UGT1A1: variants seen among roughly 807,000 people sequenced by gnomAD.
UGT1A1 encodes the protein UDP-glucuronosyltransferase 1A1.
UGT1A1 carries 33 observed loss-of-function variants against 40.6 expected under a neutral mutation model. That is an observed-to-expected ratio of 0.81 (90% confidence interval 0.62 to 1.09). The LOEUF is 1.09. UGT1A1 is among the 50% of genes least tolerant of loss of function. UGT1A1 has a pLI of 0.00. For synonymous variants in UGT1A1, 249 were observed against 265.0 expected (o/e 0.94, Z 0.59); for missense variants, 694 against 671.2 (o/e 1.03, Z -0.38).
At chr2:233,768,058 CTT>C in intron 3 of UGT1A1, 122 bp downstream of exon 3, 1 of 1,601,872 alleles carries the variant, frequency 6.2e-7, no homozygotes, top group East Asian at 2.2e-5. Context: ...TCCTACATTG[CTT>C]TTTATCTAGT....
intron 1 of UGT1A1, among the ~76,000 whole-genome samples, chr2:233,763,590 A>T (rs772976697): frequency 6.6e-6 from 1 of 152,156 alleles, no homozygotes; most frequent in East Asian, 1.9e-4. Context: ...TTCCTTTGTT[A>T]ACTAAAAATG....
Position 233,768,343 on chromosome 2 carries a change from G to T in UGT1A1, c.1208G>T (p.Arg403Leu), listed in dbSNP as rs140613392. 1.2e-6 allele frequency: 2 copies of T among 1,614,170 alleles called. No homozygotes were observed. The highest frequency in any genetic ancestry group is 1.7e-6 in the Non-Finnish European group (2 of 1,180,042). ...LFGDQMDNAK[R>L]METKGAGVTL... is the part of the protein sequence containing the mutation. ...GGTGATCAGATGGACAATGCAAAGC[G>T]CATGGAGACTAAGGGAGCTGGAGTG... The change falls in exon 4 of 5, where the codon CGC becomes CTC. Residue 403 changes from arginine to leucine, a missense_variant. Coordinates refer to ENST00000305208, the MANE Select transcript of UGT1A1 (RefSeq NM_000463.3).
chr2:233,760,609 C>T lies in UGT1A1; in HGVS notation c.322C>T (p.Arg108Cys), dbSNP rs587784538. 50 of 1,614,060 alleles carry T rather than the reference C, an allele frequency of 3.1e-5. 1 individual carries two copies. The South Asian group carries it at 3.7e-4, about 12-fold the overall frequency. Residue 108 changes from arginine (R) to cysteine (C), a missense_variant, in exon 1 of 5, where the codon CGT becomes TGT. Transcript: ENST00000305208. ...NVFENDSFLQ[R>C]VIKTYKKIKK... Reference sequence around the variant, plus strand: ...TTTTGAGAATGATTCTTTCCTGCAGCGTGTGATCAAAACATACAAGAAAAT... The same window carrying T: ...TTTTGAGAATGATTCTTTCCTGCAGTGTGTGATCAAAACATACAAGAAAAT...
At chr2:233,768,516 G>T in intron 4 of UGT1A1, 77 bp downstream of exon 4, 22 of 1,549,322 alleles carry the variant, frequency 1.4e-5, no homozygotes, top group Non-Finnish European at 1.9e-5. Context: ...AAACATTTAC[G>T]TAGCATTTAA....
chr2:233,762,139 G>C (rs983754711), intron 1 of UGT1A1, among the ~76,000 whole-genome samples: 1 of 152,114 alleles, frequency 6.6e-6, no homozygotes, highest in African/African-American at 2.4e-5. Context: ...GGACCTGTGT[G>C]ACTTTGCATT....
Position 233,773,095 on chromosome 2 carries a change from A to C in UGT1A1, c.*536A>C. On this transcript the variant is annotated 3_prime_UTR_variant, in exon 5 of 5. Coordinates refer to ENST00000305208, the MANE Select transcript of UGT1A1 (RefSeq NM_000463.3). ...ATGAATGGCTTGGAGTGCACTGAGA[A>C]CAGCATATGATTTCTTGCTTTGGGG... 6.3e-6 allele frequency: 1 copy of C among 159,994 alleles called. No individual in the cohort carries two copies. Among genetic ancestry groups the C allele is most frequent in the Non-Finnish European group, 1.4e-5 (1 of 71,916 alleles). The allele number at this position is 159,994 out of a possible 1,614,324, so 9.9% of individuals were successfully genotyped here. A position where few individuals can be genotyped will look rare whatever the true frequency, so the allele number is the denominator to read the frequency against.
intron 2 of UGT1A1, among the ~76,000 whole-genome samples, chr2:233,767,485 A>G (rs764164317): frequency 5.9e-4 from 90 of 152,344 alleles, no homozygotes; most frequent in Non-Finnish European, 1.1e-3. Flanking sequence ...AAATAGAAGT[A>G]TTTCTCCAAA....
At position 233,772,978 on chromosome 2, in the gene UGT1A1, T is replaced by C. The variant is rs34942353; in HGVS notation, c.*419T>C. On this transcript the variant is annotated 3_prime_UTR_variant, in exon 5 of 5. Coordinates refer to ENST00000305208, the MANE Select transcript of UGT1A1 (RefSeq NM_000463.3). ...GTTGCAATTGATCCTTAACCAATAATGGTCAGTCCTCATCTCTGTCGTGCT... is the reference window on the plus strand; with the variant it reads ...GTTGCAATTGATCCTTAACCAATAACGGTCAGTCCTCATCTCTGTCGTGCT... 9.7e-5 allele frequency: 29 copies of C among 299,424 alleles called. No homozygotes were observed. The East Asian group carries it at 2.0e-3, about 21-fold the overall frequency. 18.5% of individuals were successfully genotyped at this position (299,424 alleles called of 1,614,324 possible).
intron 1 of UGT1A1, among the ~76,000 whole-genome samples, chr2:233,766,262 CCCGGG>C (rs2126023646): frequency 2.9e-5 from 2 of 68,082 alleles, no homozygotes; most frequent in East Asian, 5.0e-4. Flanking sequence ...CGCTCAGTGG[CCCGGG>C]CTCGGTGGCC....
rs1321370763 is a variant in UGT1A1 at position 233,760,541 on chromosome 2, G to A, written c.254G>A (p.Arg85Lys). 6.2e-7 allele frequency: 1 copy of A among 1,614,268 alleles called. No homozygotes were observed. Among genetic ancestry groups the A allele is most frequent in the Non-Finnish European group, 8.5e-7 (1 of 1,180,050 alleles). Residue 85 changes from arginine to lysine, a missense_variant, in exon 1 of 5, where the codon AGG becomes AAG. By Grantham distance (26) the Arg-to-Lys change is conservative. Coordinates refer to ENST00000305208, the MANE Select transcript of UGT1A1 (RefSeq NM_000463.3). ...AAGACGTACCCTGTGCCATTCCAAA[G>A]GGAGGATGTGAAAGAGTCTTTTGTT... is the stretch of plus-strand genomic sequence containing the variant. ...TLKTYPVPFQREDVKESFVSL... is the reference protein window; with the variant it reads ...TLKTYPVPFQKEDVKESFVSL...
chr2:233,769,857 C>CAAAA lies in UGT1A1; in HGVS notation c.1304+1432_1304+1435dup. The CAAAA allele has an allele frequency of 4.0e-5, 9 of 223,646 alleles. No individual in the cohort carries two copies. The highest frequency in any genetic ancestry group is 1.1e-4 in the South Asian group (1 of 9,102). The allele number at this position is 223,646 out of a possible 1,614,324, so 13.9% of individuals were successfully genotyped here. On this transcript the variant is annotated intron_variant, in intron 4 of 4. Coordinates refer to ENST00000305208, the MANE Select transcript of UGT1A1 (RefSeq NM_000463.3). The surrounding 1 kb of genome is among the most constrained non-coding windows in gnomAD (Gnocchi z 4.4). ...TGGGCAACAGAGTGAGACCCTGTCTCAAAAAAAAAAAAAAAAATGAAAAGT... is the reference window on the plus strand; with the variant it reads ...TGGGCAACAGAGTGAGACCCTGTCTCAAAAAAAAAAAAAAAAAAAAATGAAAAGT...
chr2:233,765,728 A>C (rs1698929525), intron 1 of UGT1A1, among the ~76,000 whole-genome samples: 1 of 151,098 alleles, frequency 6.6e-6, no homozygotes, highest in Admixed American at 6.6e-5. Flanking sequence ...TAATAATAAT[A>C]ATAAATAAAC....
chr2:233,768,233 C>A lies in UGT1A1; in HGVS notation c.1098C>A (p.Thr366=), dbSNP rs1699591703. The change falls in exon 4 of 5, where the codon ACC becomes ACA. Residue 366 remains threonine, a synonymous_variant. Coordinates refer to ENST00000305208, the MANE Select transcript of UGT1A1 (RefSeq NM_000463.3). ...PQNDLLGHPM[T]RAFITHAGSH... ...TTTGCATCTCAGGTCACCCGATGAC[C>A]CGTGCCTTTATCACCCATGCTGGTT... 6.2e-7 allele frequency: 1 copy of A among 1,614,170 alleles called. No homozygotes were observed. The highest frequency in any genetic ancestry group is 8.5e-7 in the Non-Finnish European group (1 of 1,180,028).
chr2:233,769,515 T>A lies in UGT1A1; in HGVS notation c.1304+1076T>A. The A allele has an allele frequency of 6.2e-7, 1 of 1,612,854 alleles. No homozygotes were observed. Among genetic ancestry groups the A allele is most frequent in the Non-Finnish European group, 8.5e-7 (1 of 1,179,868 alleles). ...TGAGAGTGTCCATTGCTTTCTCCCA[T>A]GGTTACCTCCTTTAGAAAGAAGCAG... On this transcript the variant is annotated intron_variant, in intron 4 of 4. Coordinates refer to ENST00000305208, the MANE Select transcript of UGT1A1 (RefSeq NM_000463.3). This position sits in a 1 kb window ranked among gnomAD's most constrained non-coding sequence, Gnocchi z 4.4.
chr2:233,763,369 C>A (rs1698291426), intron 1 of UGT1A1, among the ~76,000 whole-genome samples: 1 of 152,194 alleles, frequency 6.6e-6, no homozygotes. Flanking sequence ...CCTTTGTCTT[C>A]AAGCTTTCTT....
chr2:233,766,972 C>T, intron 1 of UGT1A1, 62 bp from the exon 2 acceptor site: 2 of 1,611,258 alleles, frequency 1.2e-6, no homozygotes, highest in South Asian at 1.1e-5. Context: ...TCATAACTTA[C>T]TGTATGTAGT....
intron 4 of UGT1A1, chr2:233,771,347 C>T (rs1700292038): frequency 6.6e-6 from 1 of 152,046 alleles, no homozygotes; most frequent in South Asian, 2.1e-4. Context: ...CCTGTAGCAC[C>T]AAGGGTTGAA....
Position 233,772,833 on chromosome 2 carries a change from T to G in UGT1A1, c.*274T>G. 1.1e-6 allele frequency: 1 copy of G among 879,514 alleles called. No individual in the cohort carries two copies. Among genetic ancestry groups the G allele is most frequent in the Non-Finnish European group, 1.6e-6 (1 of 630,666 alleles). 54.5% of individuals were successfully genotyped at this position (879,514 alleles called of 1,614,324 possible). A position where few individuals can be genotyped will look rare whatever the true frequency, so the allele number is the denominator to read the frequency against. ...AGGACGTGCAGACAGGCTGGCATTCTAGATTACTTTTCTTACTCTGAAACA... is the reference window on the plus strand; with the variant it reads ...AGGACGTGCAGACAGGCTGGCATTCGAGATTACTTTTCTTACTCTGAAACA... On this transcript the variant is annotated 3_prime_UTR_variant, in exon 5 of 5. Transcript: ENST00000305208.
chr2:233,761,143 C>T lies in UGT1A1; in HGVS notation c.856C>T (p.Leu286=). The T allele has an allele frequency of 6.2e-7, 1 of 1,614,232 alleles. No homozygotes were observed. The highest frequency in any genetic ancestry group is 8.5e-7 in the Non-Finnish European group (1 of 1,180,050). Reference sequence around the variant, plus strand: ...AATCAACTGCCTTCACCAAAATCCACTATCCCAGGTGTGTATTGGAGTGGG... The same window carrying T: ...AATCAACTGCCTTCACCAAAATCCATTATCCCAGGTGTGTATTGGAGTGGG... The part of the protein sequence containing the change: ...GGINCLHQNP[L]SQEFEAYINA... The change falls in exon 1 of 5, where the codon CTA becomes TTA. Residue 286 remains leucine, a synonymous_variant. Transcript: ENST00000305208.
Sources: gnomAD v4.1 joint callset for allele counts (sites outside exome capture counted in the v4.1 genomes callset) on GRCh38, gnomAD v4.1.1 for gene constraint, Gnocchi (gnomAD v3.1) non-coding constraint, MANE v1.5 for transcripts, NCBI Gene and HGNC (gene_info 2026-07-23, HGNC 2026-07-21) for gene names.